NEXMIF: variants seen among roughly 807,000 people sequenced by gnomAD.
NEXMIF encodes neurite extension and migration factor.
In NEXMIF, 8 loss-of-function variants were observed where a neutral mutation model predicts 62.1. That is an observed-to-expected ratio of 0.13 (90% CI 0.08 to 0.23). The LOEUF (loss-of-function observed/expected upper bound fraction) is 0.23. NEXMIF is among the 10% of genes least tolerant of loss of function. The probability of loss-of-function intolerance (pLI) is 1.00; values close to 1 mark genes in which losing one functional copy is unlikely to be tolerated. For missense variants in NEXMIF, 976 were observed against 1,113.3 expected, an observed-to-expected ratio of 0.88 and a Z score of 1.75; for synonymous variants, 404 against 416.6, an observed-to-expected ratio of 0.97 and a Z score of 0.37.
chrX:74,787,298 A>G (rs751506141), intron 1 of NEXMIF, among the ~76,000 whole-genome samples: 1 of 107,323 alleles, frequency 9.3e-6, no homozygotes, highest in East Asian at 2.9e-4. Flanking sequence ...AAAAAAGAAA[A>G]AAAAAAAAGA....
chrX:74,736,456 G>C lies in NEXMIF; in HGVS notation c.*2949C>G, dbSNP rs959267466. 1.8e-5 allele frequency: 2 copies of C among 111,524 alleles called. No homozygotes were observed. Among genetic ancestry groups the C allele is most frequent in the Non-Finnish European group, 3.8e-5 (2 of 53,075 alleles). 9.2% of individuals were successfully genotyped at this position (111,524 alleles called of 1,213,427 possible). ...GGCATTAATAGGAAACAGCTTCTCA[G>C]AGGGGGAAGGTTAGAAGGGAGCGGT... On this transcript the variant is annotated 3_prime_UTR_variant, in exon 4 of 4. Coordinates refer to ENST00000055682, the MANE Select transcript of NEXMIF (RefSeq NM_001008537.3).
At chrX:74,864,176 G>A (rs2080568680) in intron 1 of NEXMIF, among the ~76,000 whole-genome samples, 1 of 112,044 alleles carries the variant, frequency 8.9e-6, no homozygotes, top group African/African-American at 3.2e-5. Flanking sequence ...CACAAGACGA[G>A]GATGTCCTCT....
chrX:74,821,430 G>A (rs147734502), intron 1 of NEXMIF, among the ~76,000 whole-genome samples: 1,387 of 111,685 alleles, frequency 0.012, 25 homozygotes, highest in African/African-American at 0.043. Flanking sequence ...TTTTGTCTCA[G>A]ACTGAATTTT....
chrX:74,842,854 G>A (rs771542844), intron 1 of NEXMIF, among the ~76,000 whole-genome samples: 44 of 112,040 alleles, frequency 3.9e-4, no homozygotes, highest in South Asian at 1.5e-3. Context: ...GTATGAATGT[G>A]GATCTTTTGC....
chrX:74,868,090 A>G (rs1240269374), intron 1 of NEXMIF, among the ~76,000 whole-genome samples: 3 of 112,275 alleles, frequency 2.7e-5, no homozygotes, highest in Non-Finnish European at 3.8e-5. Flanking sequence ...ATCTTATGCC[A>G]GTCAGAATGG....
intron 1 of NEXMIF, among the ~76,000 whole-genome samples, chrX:74,780,935 A>C (rs2080244679): frequency 9.0e-6 from 1 of 111,611 alleles, no homozygotes; most frequent in Non-Finnish European, 1.9e-5. Context: ...GACTCACCTG[A>C]ACATGAGCTG....
chrX:74,791,793 A>T (rs1485855530), intron 1 of NEXMIF, among the ~76,000 whole-genome samples: 1 of 110,056 alleles, frequency 9.1e-6, no homozygotes, highest in Non-Finnish European at 1.9e-5. Context: ...CTCTGATGGT[A>T]GTTTGTATTT....
At chrX:74,745,829 A>G (rs2080124571) in intron 1 of NEXMIF, 132 bp from the exon 2 acceptor site, 1 of 417,914 alleles carries the variant, frequency 2.4e-6, no homozygotes, top group Non-Finnish European at 4.2e-6. Context: ...CATCACTGCT[A>G]TTGTTTTTGT....
intron 1 of NEXMIF, among the ~76,000 whole-genome samples, chrX:74,758,776 A>G (rs1602218424): frequency 8.9e-6 from 1 of 112,069 alleles, no homozygotes; most frequent in African/African-American, 3.2e-5. Context: ...GTGTATATGT[A>G]CCACATTTTC....
intron 1 of NEXMIF, among the ~76,000 whole-genome samples, chrX:74,924,539 C>A (rs969539010): frequency 1.8e-4 from 20 of 113,438 alleles, no homozygotes; most frequent in African/African-American, 5.7e-4. Context: ...CTGCACCAGT[C>A]CGAAAGGAGG....
At chrX:74,860,654 T>G (rs1046079535) in intron 1 of NEXMIF, among the ~76,000 whole-genome samples, 2 of 111,657 alleles carry the variant, frequency 1.8e-5, no homozygotes, top group African/African-American at 6.5e-5. Context: ...GAATGACCAA[T>G]GGTCAATGAA....
intron 1 of NEXMIF, among the ~76,000 whole-genome samples, chrX:74,795,281 A>C (rs1165623183): frequency 8.9e-6 from 1 of 112,232 alleles, no homozygotes; most frequent in Non-Finnish European, 1.9e-5. Flanking sequence ...AAAAACAATC[A>C]AGATGTCTTT....
At position 74,736,509 on chromosome X, in the gene NEXMIF, A is replaced by G. The variant is rs1326857906; in HGVS notation, c.*2896T>C. 9.0e-6 allele frequency: 1 copy of G among 111,452 alleles called. No homozygotes were observed. The highest frequency in any genetic ancestry group is 1.9e-5 in the Non-Finnish European group (1 of 53,063). The allele number at this position is 111,452 out of a possible 1,213,427, so 9.2% of individuals were successfully genotyped here. A position where few individuals can be genotyped will look rare whatever the true frequency, so the allele number is the denominator to read the frequency against. ...TCAGGAATTTCAGACCAAGGATAAT[A>G]TATATTTCTGACTTGAGATACCAGT... is the stretch of plus-strand genomic sequence containing the variant. On this transcript the variant is annotated 3_prime_UTR_variant, in exon 4 of 4. Coordinates refer to ENST00000055682, the MANE Select transcript of NEXMIF (RefSeq NM_001008537.3).
At chrX:74,799,018 A>C (rs1439378092) in intron 1 of NEXMIF, among the ~76,000 whole-genome samples, 1 of 110,843 alleles carries the variant, frequency 9.0e-6, no homozygotes, top group Non-Finnish European at 1.9e-5. Flanking sequence ...AAAATTCTCA[A>C]ATTGGTACTG....
In NEXMIF at chrX:74,749,531, T is replaced by C. The variant is rs547107236; in HGVS notation, c.-47-3834A>G. Reference sequence around the variant, plus strand: ...TCTAACCCTCTCCACTCCCTTAATATTAAACCATTTGTTTTTGCTTCCCTG... The same window carrying C: ...TCTAACCCTCTCCACTCCCTTAATACTAAACCATTTGTTTTTGCTTCCCTG... On this transcript the variant is annotated intron_variant, in intron 1 of 3. Coordinates refer to ENST00000055682, the MANE Select transcript of NEXMIF (RefSeq NM_001008537.3). 2.7e-5 allele frequency among the ~76,000 whole-genome samples: 3 copies of C among 110,886 alleles called. No individual in the cohort carries two copies. The East Asian group carries it at 8.5e-4, about 32-fold the overall frequency.
At chrX:74,837,636 T>A (rs891520204) in intron 1 of NEXMIF, among the ~76,000 whole-genome samples, 3 of 112,062 alleles carry the variant, frequency 2.7e-5, no homozygotes, top group Non-Finnish European at 5.6e-5. Context: ...CATTTCTGCA[T>A]TTTTTCCAAG....
intron 1 of NEXMIF, among the ~76,000 whole-genome samples, chrX:74,827,765 G>A (rs1405236828): frequency 9.0e-6 from 1 of 111,564 alleles, no homozygotes; most frequent in Admixed American, 9.6e-5. Context: ...GAAGAGATGT[G>A]TACAATTAGT....
chrX:74,878,563 C>T (rs2080648617), intron 1 of NEXMIF, among the ~76,000 whole-genome samples: 1 of 112,708 alleles, frequency 8.9e-6, no homozygotes, highest in Non-Finnish European at 1.9e-5. Context: ...CAAGCCTGGG[C>T]AATGGCAGGC....
intron 1 of NEXMIF, among the ~76,000 whole-genome samples, chrX:74,825,308 G>A (rs916426847): frequency 6.3e-5 from 7 of 111,108 alleles, no homozygotes; most frequent in East Asian, 2.8e-4. Context: ...ATGGGGTTGC[G>A]TTGTACAGTT....
Sources: allele counts gnomAD v4.1 joint callset (sites outside exome capture counted in the v4.1 genomes callset), GRCh38; gene constraint gnomAD v4.1.1; transcripts MANE v1.5; gene names NCBI Gene and HGNC (gene_info 2026-07-23, HGNC 2026-07-21).